SEMA3A: variants seen among roughly 807,000 people sequenced by gnomAD.
SEMA3A encodes semaphorin 3A, also known as semaphorin-3A.
SEMA3A carries 29 observed loss-of-function variants against 97.9 expected under a neutral mutation model. The observed-to-expected ratio is 0.30, with a 90% CI of 0.22 to 0.40. SEMA3A has a LOEUF of 0.40. SEMA3A is among the 10% of genes least tolerant of loss of function. The pLI, the probability that SEMA3A is intolerant of heterozygous loss-of-function variation, is 1.00. For synonymous variants in SEMA3A, 321 were observed against 323.7 expected (o/e 0.99, Z 0.09); for missense variants, 763 against 951.3 (o/e 0.80, Z 2.60).
chr7:84,415,585 T>C (rs951855617), intron 1 of SEMA3A, among the ~76,000 whole-genome samples: 8 of 152,116 alleles, frequency 5.3e-5, no homozygotes, highest in African/African-American at 1.9e-4. Flanking sequence ...TTGGCCAAAC[T>C]ACTTATACCT....
At chr7:84,458,064 G>C (rs1263099765) in intron 1 of SEMA3A, among the ~76,000 whole-genome samples, 1 of 151,962 alleles carries the variant, frequency 6.6e-6, no homozygotes, top group Non-Finnish European at 1.5e-5. Context: ...TTTACAACCT[G>C]TTTCTTCAAT....
chr7:84,241,444 A>G (rs1799363057), intron 3 of SEMA3A, among the ~76,000 whole-genome samples: 1 of 151,968 alleles, frequency 6.6e-6, no homozygotes, highest in African/African-American at 2.4e-5. Context: ...TCACTTTTTG[A>G]TGGAGTTGTT....
intron 4 of SEMA3A, among the ~76,000 whole-genome samples, chr7:84,109,120 G>C (rs770046464): frequency 3.0e-4 from 46 of 152,120 alleles, no homozygotes; most frequent in Non-Finnish European, 4.9e-4. Context: ...TATTACAATA[G>C]GAATTGGTTG....
chr7:84,460,238 A>G (rs1478019397), intron 1 of SEMA3A, among the ~76,000 whole-genome samples: 1 of 152,186 alleles, frequency 6.6e-6, no homozygotes, highest in Admixed American at 6.5e-5. Flanking sequence ...TAATCCTGCA[A>G]ATAGAAAGGC....
chr7:84,270,414 C>T (rs1800114372), intron 3 of SEMA3A, among the ~76,000 whole-genome samples: 1 of 151,670 alleles, frequency 6.6e-6, no homozygotes. Flanking sequence ...ATAAATAAAT[C>T]CATCTCCTTA....
intron 3 of SEMA3A, among the ~76,000 whole-genome samples, chr7:84,302,129 A>T (rs559798670): frequency 6.6e-6 from 1 of 152,180 alleles, no homozygotes; most frequent in Non-Finnish European, 1.5e-5. Context: ...ACTAATACAC[A>T]TAAGTCATAG....
At chr7:84,031,904 C>A (rs1791772418) in intron 6 of SEMA3A, among the ~76,000 whole-genome samples, 2 of 152,076 alleles carry the variant, frequency 1.3e-5, no homozygotes, top group Non-Finnish European at 2.9e-5. Flanking sequence ...GCTTTCTTTC[C>A]TCTGAAAAAT....
intron 3 of SEMA3A, among the ~76,000 whole-genome samples, chr7:84,233,303 C>T (rs959059318): frequency 3.6e-4 from 55 of 152,034 alleles, no homozygotes; most frequent in Non-Finnish European, 1.3e-4. Context: ...TTTAAACCCC[C>T]AATTCCCCTC....
chr7:84,350,146 T>C (rs943022505), intron 2 of SEMA3A, among the ~76,000 whole-genome samples: 2 of 152,204 alleles, frequency 1.3e-5, no homozygotes, highest in Non-Finnish European at 2.9e-5. Context: ...TATATTTCCA[T>C]GACCTTTCAG....
intron 1 of SEMA3A, among the ~76,000 whole-genome samples, chr7:84,412,873 A>G (rs1460069773): frequency 2.6e-5 from 4 of 152,134 alleles, no homozygotes; most frequent in Non-Finnish European, 4.4e-5. Context: ...CAAAGCTGGT[A>G]TAAATTTGGA....
chr7:84,106,848 C>T (rs1795123274), intron 4 of SEMA3A, among the ~76,000 whole-genome samples: 1 of 152,124 alleles, frequency 6.6e-6, no homozygotes, highest in African/African-American at 2.4e-5. Context: ...AAAGAAAAAA[C>T]TGCATGTTTA....
intron 1 of SEMA3A, among the ~76,000 whole-genome samples, chr7:84,457,762 T>A (rs1019964702): frequency 1.3e-5 from 2 of 152,012 alleles, no homozygotes; most frequent in Non-Finnish European, 2.9e-5. Context: ...AATACATTTC[T>A]AACTATTCTT....
intron 3 of SEMA3A, among the ~76,000 whole-genome samples, chr7:84,219,853 C>T (rs1157677750): frequency 6.6e-6 from 1 of 152,090 alleles, no homozygotes; most frequent in Non-Finnish European, 1.5e-5. Flanking sequence ...ATGAACCAAC[C>T]CCTGCTAGCT....
chr7:84,044,134 A>G (rs1260532178), intron 6 of SEMA3A, among the ~76,000 whole-genome samples: 1 of 151,816 alleles, frequency 6.6e-6, no homozygotes, highest in East Asian at 1.9e-4. Context: ...TCCCACACAA[A>G]TATTTCAGTT....
Position 84,138,313 on chromosome 7 carries a change from T to C in SEMA3A, c.113-3362A>G, listed in dbSNP as rs564286446. Among the ~76,000 whole-genome samples, 10 of 152,254 alleles carry C rather than the reference T, an allele frequency of 6.6e-5. No individual in the cohort carries two copies. The East Asian group carries it at 1.3e-3, about 21-fold the overall frequency. On this transcript the variant is annotated intron_variant, in intron 1 of 16. Transcript: ENST00000265362. Reference sequence around the variant, plus strand: ...GAGGGAAAATAAGAATAGCAGTATGTTCTTTGATTTACACTAATATTAAAT... The same window carrying C: ...GAGGGAAAATAAGAATAGCAGTATGCTCTTTGATTTACACTAATATTAAAT...
At chr7:84,218,923 G>A (rs980223494) in intron 3 of SEMA3A, among the ~76,000 whole-genome samples, 4 of 151,910 alleles carry the variant, frequency 2.6e-5, no homozygotes, top group African/African-American at 7.3e-5. Context: ...GGAAATTGAC[G>A]ACTCAATCCT....
chr7:84,323,860 T>C (rs1437792261), intron 2 of SEMA3A, among the ~76,000 whole-genome samples: 1 of 152,214 alleles, frequency 6.6e-6, no homozygotes, highest in East Asian at 1.9e-4. Flanking sequence ...AATTTTTCTT[T>C]GCTGTAGTAC....
At chr7:84,183,747 G>T (rs994869237) in intron 1 of SEMA3A, among the ~76,000 whole-genome samples, 1 of 151,876 alleles carries the variant, frequency 6.6e-6, no homozygotes, top group African/African-American at 2.4e-5. Context: ...ATATAAAAAC[G>T]CAATAACTCT....
chr7:84,423,311 C>T lies in SEMA3A; in HGVS notation c.-245-51411G>A, dbSNP rs551090111. Among the ~76,000 whole-genome samples, 183 of 152,088 alleles carry T rather than the reference C, an allele frequency of 1.2e-3. 1 individual carries two copies. The highest frequency in any genetic ancestry group is 2.4e-3 in the Non-Finnish European group (160 of 67,944). On this transcript the variant is annotated intron_variant, in intron 1 of 3. Transcript: ENST00000424555. ...CAAGTGGTCTCTCCACCTCTTTTAC[C>T]TCAATTCCTGTCCTTCTTCCACTGC...
Sources: gnomAD v4.1 joint callset for allele counts (sites outside exome capture counted in the v4.1 genomes callset) on GRCh38, gnomAD v4.1.1 for gene constraint, MANE v1.5 for transcripts, NCBI Gene and HGNC (gene_info 2026-07-23, HGNC 2026-07-21) for gene names.